SPTLC1: variants seen among roughly 807,000 people sequenced by gnomAD.
The protein encoded by SPTLC1 is serine palmitoyltransferase long chain base subunit 1.
In SPTLC1, 55 loss-of-function variants were observed where a neutral mutation model predicts 68.9. The observed-to-expected ratio is 0.80, with a 90% confidence interval of 0.64 to 1.00. The LOEUF is 1.00. Among genes scored for constraint, SPTLC1 ranks in the 50% least tolerant of loss-of-function variants. SPTLC1 has a pLI of 0.00. For missense variants in SPTLC1, 449 were observed against 573.1 expected, an observed-to-expected ratio of 0.78 and a Z score of 2.21; for synonymous variants, 197 against 201.6, an observed-to-expected ratio of 0.98 and a Z score of 0.19.
Position 92,047,713 on chromosome 9 carries a change from C to T in SPTLC1, c.889-5G>A, listed in dbSNP as rs763731160. On this transcript the variant is annotated splice_polypyrimidine_tract_variant and splice_region_variant and intron_variant, in intron 9 of 14. Transcript: ENST00000262554. ...GATAAGATCAATATCATCAATCTGC[C>T]GGAAAAGGAGGAGTGACAGTTATTC... 1.3e-5 allele frequency: 21 copies of T among 1,602,290 alleles called. No individual in the cohort carries two copies. The highest frequency in any genetic ancestry group is 3.3e-5 in the Admixed American group (2 of 59,874).
At chr9:92,092,845 C>T (rs969714484) in intron 3 of SPTLC1, among the ~76,000 whole-genome samples, 7 of 152,274 alleles carry the variant, frequency 4.6e-5, no homozygotes, top group African/African-American at 1.4e-4. Context: ...TGAAAGTTTG[C>T]AGCAAGTTCA....
chr9:92,037,167 G>T (rs1472061395), intron 13 of SPTLC1, among the ~76,000 whole-genome samples: 2 of 152,154 alleles, frequency 1.3e-5, no homozygotes, highest in African/African-American at 4.8e-5. Flanking sequence ...CTGCACACCC[G>T]GTCTGTATAC....
intron 6 of SPTLC1, among the ~76,000 whole-genome samples, chr9:92,065,253 C>T (rs545715301): frequency 1.3e-5 from 2 of 152,300 alleles, no homozygotes; most frequent in South Asian, 2.1e-4. Flanking sequence ...GACCACTGTG[C>T]TGAGCCCCAC....
intron 4 of SPTLC1, 67 bp from the exon 5 acceptor site, chr9:92,080,155 A>G (rs1274895005): frequency 6.7e-6 from 9 of 1,348,466 alleles, no homozygotes; most frequent in Middle Eastern, 3.7e-4. Context: ...AACATTTCCT[A>G]TTCTTTAACC....
At chr9:92,092,129 A>G (rs577502188) in intron 3 of SPTLC1, among the ~76,000 whole-genome samples, 4 of 152,246 alleles carry the variant, frequency 2.6e-5, no homozygotes, top group Non-Finnish European at 5.9e-5. Flanking sequence ...AACTATTTGA[A>G]TAATAATTAA....
chr9:92,044,857 A>C (rs1429628001), intron 12 of SPTLC1, among the ~76,000 whole-genome samples: 2 of 152,164 alleles, frequency 1.3e-5, no homozygotes, highest in African/African-American at 2.4e-5. Context: ...GGGAGTGAAG[A>C]CAGAGGATTA....
chr9:92,073,011 C>T (rs1298781938), intron 5 of SPTLC1, among the ~76,000 whole-genome samples: 1 of 151,924 alleles, frequency 6.6e-6, no homozygotes, highest in Non-Finnish European at 1.5e-5. Context: ...GAGTTCTACC[C>T]ACAAGCCACC....
intron 13 of SPTLC1, 44 bp from the exon 14 acceptor site, chr9:92,034,927 A>G (rs779241700): frequency 3.3e-6 from 5 of 1,503,162 alleles, no homozygotes; most frequent in Admixed American, 3.3e-5. Context: ...GACTTCAGAC[A>G]TGGTGGTAAT....
chr9:92,047,532 T>C, intron 10 of SPTLC1, 81 bp downstream of exon 10: 1 of 930,674 alleles, frequency 1.1e-6, no homozygotes. Context: ...AAGTAAAATT[T>C]CGTATTTCAA....
chr9:92,112,686 C>T (rs936099696), intron 1 of SPTLC1, 124 bp from the exon 2 acceptor site: 18 of 649,682 alleles, frequency 2.8e-5, no homozygotes, highest in Non-Finnish European at 4.1e-5. Flanking sequence ...AATTTACTTT[C>T]GAAGCTCCCT....
intron 12 of SPTLC1, among the ~76,000 whole-genome samples, chr9:92,043,587 T>C (rs1161204302): frequency 6.6e-6 from 1 of 152,162 alleles, no homozygotes; most frequent in African/African-American, 2.4e-5. Context: ...ACCTGGAGTC[T>C]TCTCTTTCTC....
intron 8 of SPTLC1, among the ~76,000 whole-genome samples, chr9:92,053,386 T>C (rs755265037): frequency 6.6e-5 from 10 of 152,212 alleles, no homozygotes; most frequent in Admixed American, 2.0e-4. Context: ...AGAATTACCA[T>C]ATAATCCAGC....
Position 92,080,044 on chromosome 9 carries a change from A to C in SPTLC1, c.399T>G (p.Cys133Trp), listed in dbSNP as rs119482082. 1 of 1,614,134 alleles carries C rather than the reference A, an allele frequency of 6.2e-7. No homozygotes were observed. Among genetic ancestry groups the C allele is most frequent in the Non-Finnish European group, 8.5e-7 (1 of 1,179,968 alleles). ...ATGTGCCATAAAATCCTCTGGGTCC[A>C]CAAGTCCCCACGCCATACTTCTTTA... ...ASLKKYGVGT[C>W]GPRGFYGTFD... Residue 133 changes from cysteine (C) to tryptophan (W), a missense_variant, in exon 5 of 15, where the codon TGT (cysteine) becomes TGG (tryptophan). Physicochemically the swap from Cys to Trp is radical, Grantham distance 215. This residue lies in a region of SPTLC1 where 391 missense variants were observed against 472.1 expected (regional missense o/e 0.83). Transcript: ENST00000262554.
intron 12 of SPTLC1, among the ~76,000 whole-genome samples, chr9:92,043,470 T>C (rs1175954336): frequency 6.6e-6 from 1 of 152,182 alleles, no homozygotes; most frequent in Admixed American, 6.5e-5. Context: ...ACTTTGGGCT[T>C]AACATAACCA....
chr9:92,033,317 A>G (rs975885393), intron 14 of SPTLC1, among the ~76,000 whole-genome samples: 1 of 152,216 alleles, frequency 6.6e-6, no homozygotes, highest in Non-Finnish European at 1.5e-5. Context: ...AAGCTCTGTA[A>G]TACTCTAAGG....
chr9:92,087,785 A>G (rs1489202402), intron 3 of SPTLC1, among the ~76,000 whole-genome samples: 3 of 152,218 alleles, frequency 2.0e-5, no homozygotes, highest in African/African-American at 4.8e-5. Context: ...GCTGTTAGAC[A>G]GGGACATTTA....
intron 3 of SPTLC1, among the ~76,000 whole-genome samples, chr9:92,095,261 G>C (rs1450052418): frequency 6.6e-6 from 1 of 152,128 alleles, no homozygotes; most frequent in Admixed American, 6.5e-5. Flanking sequence ...AGAGATGTAG[G>C]GAAAACTTGA....
intron 3 of SPTLC1, among the ~76,000 whole-genome samples, chr9:92,099,973 T>C (rs900932549): frequency 5.3e-5 from 8 of 152,174 alleles, no homozygotes; most frequent in African/African-American, 1.9e-4. Context: ...AAGTCCACTC[T>C]ATGATGTTTG....
rs1833083915 is a variant in SPTLC1, at chr9:92,034,734, T to A, written c.1328+76A>T. 3.2e-6 allele frequency: 4 copies of A among 1,238,206 alleles called. No homozygotes were observed. The South Asian group carries it at 3.6e-5, about 11-fold the overall frequency. 76.7% of individuals were successfully genotyped at this position (1,238,206 alleles called of 1,614,324 possible). On this transcript the variant is annotated intron_variant, in intron 14 of 14. Coordinates refer to ENST00000262554, the MANE Select transcript of SPTLC1 (RefSeq NM_006415.4). ...CATAGCCTATGATAGTCTTTCAAAA[T>A]TTTTCAAAAGATAACGTATTTCATA...
Sources: allele counts gnomAD v4.1 joint callset (sites outside exome capture counted in the v4.1 genomes callset), GRCh38; gene constraint gnomAD v4.1.1; regional missense constraint gnomAD v4.1.1; transcripts MANE v1.5; gene names NCBI Gene and HGNC (gene_info 2026-07-23, HGNC 2026-07-21).